The following CUL2 variants were observed in gnomAD, a reference collection of about 807,000 sequenced individuals.
CUL2 encodes the protein cullin 2, also known as cullin-2.
Under a neutral mutation model 110.2 loss-of-function variants are expected in CUL2, and 22 were observed. The ratio of observed to expected loss-of-function variants is 0.20; its 90% CI spans 0.14 to 0.28. The LOEUF (loss-of-function observed/expected upper bound fraction) is 0.28. Ranked by LOEUF, CUL2 falls within the 10% of genes least tolerant of loss-of-function variation. The pLI is 1.00. For missense variants in CUL2, 631 were observed against 905.5 expected, an observed-to-expected ratio of 0.70 and a Z score of 3.89; for synonymous variants, 279 against 293.2, an observed-to-expected ratio of 0.95 and a Z score of 0.49.
chr10:35,097,249 T>C (rs1234776775), intron 2 of CUL2, among the ~76,000 whole-genome samples: 1 of 152,126 alleles, frequency 6.6e-6, no homozygotes, highest in Non-Finnish European at 1.5e-5. Flanking sequence ...AATACTGAAC[T>C]TCCTGCGAAC....
chr10:35,055,065 A>G (rs576433883), intron 4 of CUL2, among the ~76,000 whole-genome samples: 3 of 152,226 alleles, frequency 2.0e-5, no homozygotes, highest in Admixed American at 1.3e-4. Context: ...GAATTATACT[A>G]AAAATGTTTA....
chr10:35,079,208 A>G (rs2086889959), intron 1 of CUL2, among the ~76,000 whole-genome samples: 1 of 152,282 alleles, frequency 6.6e-6, no homozygotes, highest in South Asian at 2.1e-4. Context: ...AATAAAAGTT[A>G]CATGACCATG....
At chr10:35,108,832 C>T (rs897926960) in intron 1 of CUL2, among the ~76,000 whole-genome samples, 16 of 152,202 alleles carry the variant, frequency 1.1e-4, no homozygotes, top group African/African-American at 3.9e-4. Context: ...CCCTGTGGAC[C>T]TCTCCATGGG....
At chr10:35,110,682 G>A (rs929090461) in intron 1 of CUL2, among the ~76,000 whole-genome samples, 4 of 152,298 alleles carry the variant, frequency 2.6e-5, no homozygotes, top group African/African-American at 9.6e-5. Flanking sequence ...GGAGTCTGTT[G>A]CAGGCCTCTC....
intron 1 of CUL2, among the ~76,000 whole-genome samples, chr10:35,072,591 A>G: frequency 6.6e-6 from 1 of 152,042 alleles, no homozygotes; most frequent in East Asian, 1.9e-4. Flanking sequence ...GATGGCCTTC[A>G]TCTCCTGACC....
chr10:35,067,520 T>A (rs2086564470), intron 2 of CUL2, among the ~76,000 whole-genome samples: 1 of 151,016 alleles, frequency 6.6e-6, no homozygotes, highest in African/African-American at 2.4e-5. Flanking sequence ...GAGGCTGAGG[T>A]GGGGGGAATC....
At chr10:35,111,895 T>C (rs2087527986) in intron 1 of CUL2, among the ~76,000 whole-genome samples, 1 of 152,176 alleles carries the variant, frequency 6.6e-6, no homozygotes, top group African/African-American at 2.4e-5. Flanking sequence ...CAAAAAACTT[T>C]TCATGGTCTC....
rs775848961 is a variant in CUL2, at chr10:35,062,981, A to G, written c.201T>C (p.Asn67=). 2 of 1,605,352 alleles carry G rather than the reference A, an allele frequency of 1.2e-6. No individual in the cohort carries two copies. The highest frequency in any genetic ancestry group is 2.2e-5 in the South Asian group (2 of 90,774). Residue 67 remains asparagine (N), a synonymous_variant, in exon 3 of 21, where the codon AAT becomes AAC. Coordinates refer to ENST00000374749, the MANE Select transcript of CUL2 (RefSeq NM_003591.4). ...LYTETKIFLE[N]HVRHLHKRVL... The stretch of plus-strand genomic sequence containing the variant: ...TTACCTTATGCAAATGCCGAACATG[A>G]TTTTCCAAAAAAATCTTAGTTTCTG...
chr10:35,031,104 C>T lies in CUL2; in HGVS notation c.1386+196G>A, dbSNP rs1448006504. Reference sequence around the variant, plus strand: ...ATCTTTTATCATTAATACTGATTATCTTGTGAATCTTCATATATAAACATA... The same window carrying T: ...ATCTTTTATCATTAATACTGATTATTTTGTGAATCTTCATATATAAACATA... On this transcript the variant is annotated intron_variant, in intron 14 of 20. Coordinates refer to ENST00000374749, the MANE Select transcript of CUL2 (RefSeq NM_003591.4). This position sits in a 1 kb window ranked among gnomAD's most constrained non-coding sequence, Gnocchi z 4.4. Among the ~76,000 whole-genome samples the T allele has an allele frequency of 6.6e-6, 1 of 152,186 alleles. No homozygotes were observed. The highest frequency in any genetic ancestry group is 1.5e-5 in the Non-Finnish European group (1 of 68,030).
Position 35,031,729 on chromosome 10 carries a change from T to G in CUL2, c.1171-110A>C. On this transcript the variant is annotated intron_variant, in intron 12 of 20. Transcript: ENST00000374749. This position sits in a 1 kb window ranked among gnomAD's most constrained non-coding sequence, Gnocchi z 4.4. ...TAAGATCAGCGGACAGAATTTTTGC[T>G]GTTTTTTTTAGAGACCGGGTCTTGC... The G allele has an allele frequency of 2.4e-6, 3 of 1,245,596 alleles. No homozygotes were observed. Among genetic ancestry groups the G allele is most frequent in the Non-Finnish European group, 3.4e-6 (3 of 887,654 alleles). The allele number at this position is 1,245,596 out of a possible 1,614,324, so 77.2% of individuals were successfully genotyped here.
At chr10:35,055,490 T>A (rs1333395896) in intron 4 of CUL2, among the ~76,000 whole-genome samples, 4 of 152,198 alleles carry the variant, frequency 2.6e-5, no homozygotes, top group African/African-American at 9.6e-5. Context: ...CCCAGTGCTT[T>A]GGGAGGCTGA....
chr10:35,105,827 A>AG (rs2087448284), intron 1 of CUL2, among the ~76,000 whole-genome samples: 1 of 968 alleles, frequency 1.0e-3, no homozygotes, highest in Admixed American at 8.2e-3. Flanking sequence ...CAATGTCCTG[A>AG]AAAAAAAAAA....
In CUL2 at chr10:35,009,280, T is replaced by G. The variant is rs185382012; in HGVS notation, c.*1031A>C. 1.2e-3 allele frequency: 180 copies of G among 150,958 alleles called. 1 individual carries two copies. Among genetic ancestry groups the G allele is most frequent in the African/African-American group, 4.3e-3 (178 of 41,216 alleles). The allele number at this position is 150,958 out of a possible 1,614,324, so 9.4% of individuals were successfully genotyped here. A position where few individuals can be genotyped will look rare whatever the true frequency, so the allele number is the denominator to read the frequency against. ...CACCCAGTACAATGTACAATTTTCT[T>G]TTTTAAAAAAGTATTTAGGTTATGC... On this transcript the variant is annotated 3_prime_UTR_variant, in exon 21 of 21. Coordinates refer to ENST00000374749, the MANE Select transcript of CUL2 (RefSeq NM_003591.4).
intron 19 of CUL2, among the ~76,000 whole-genome samples, chr10:35,012,606 G>A (rs975962943): frequency 2.6e-5 from 4 of 152,170 alleles, no homozygotes; most frequent in Non-Finnish European, 5.9e-5. Context: ...ACATTAAGAG[G>A]ATCTCCTCAC....
At chr10:35,111,876 A>G (rs1376170838) in intron 1 of CUL2, among the ~76,000 whole-genome samples, 1 of 152,168 alleles carries the variant, frequency 6.6e-6, no homozygotes, top group African/African-American at 2.4e-5. Flanking sequence ...ATATATTGCT[A>G]TTAATTTCCA....
chr10:35,070,882 C>T (rs750956232), intron 2 of CUL2, among the ~76,000 whole-genome samples: 23 of 152,160 alleles, frequency 1.5e-4, no homozygotes, highest in Non-Finnish European at 2.6e-4. Context: ...AAAGCAATGA[C>T]ATTAGATTTT....
chr10:35,085,347 G>A (rs1008127154), intron 1 of CUL2, among the ~76,000 whole-genome samples: 5 of 148,704 alleles, frequency 3.4e-5, no homozygotes, highest in Admixed American at 1.3e-4. Flanking sequence ...GGAGAATGGC[G>A]TAGACCCAGG....
chr10:35,050,192 G>A (rs762405468), intron 5 of CUL2, among the ~76,000 whole-genome samples: 6 of 152,010 alleles, frequency 3.9e-5, no homozygotes, highest in Non-Finnish European at 7.4e-5. Context: ...GTGGTGGCAT[G>A]CGCCTGTAAT....
chr10:35,115,311 C>A (rs2087580587), intron 1 of CUL2, among the ~76,000 whole-genome samples: 1 of 152,172 alleles, frequency 6.6e-6, no homozygotes, highest in Non-Finnish European at 1.5e-5. Context: ...CCTGTAATCC[C>A]AGCACTTTGG....
Sources: allele counts gnomAD v4.1 joint callset (sites outside exome capture counted in the v4.1 genomes callset), GRCh38; gene constraint gnomAD v4.1.1; non-coding constraint Gnocchi (gnomAD v3.1); transcripts MANE v1.5; gene names NCBI Gene and HGNC (gene_info 2026-07-23, HGNC 2026-07-21).